Variants in XK observed in about 807,000 individuals in gnomAD.
XK encodes the protein endoplasmic reticulum membrane adapter protein XK.
In XK, 2 loss-of-function variants were observed where a neutral mutation model predicts 14.0. That is an observed-to-expected ratio of 0.14 (90% CI 0.06 to 0.45). The LOEUF is 0.45. Among genes scored for constraint, XK ranks in the 20% least tolerant of loss-of-function variants. The pLI, the probability that XK is intolerant of heterozygous loss-of-function variation, is 0.98. For missense variants in XK, 235 were observed against 341.5 expected (o/e 0.69, Z 2.46); for synonymous variants, 149 against 147.5 (o/e 1.01, Z -0.08).
chrX:37,706,841 G>T (rs896815792), intron 2 of XK, among the ~76,000 whole-genome samples: 10 of 109,052 alleles, frequency 9.2e-5, no homozygotes, highest in South Asian at 4.0e-4. Context: ...GACTCTTAAC[G>T]AGCATGCTGC....
chrX:37,711,498 T>C (rs1556446722), intron 2 of XK, among the ~76,000 whole-genome samples: 1 of 112,595 alleles, frequency 8.9e-6, no homozygotes, highest in Admixed American at 9.4e-5. Context: ...CTTCAGCCTC[T>C]CTGTCCTTTA....
intron 1 of XK, among the ~76,000 whole-genome samples, chrX:37,687,850 G>A (rs1415819430): frequency 9.1e-6 from 1 of 110,101 alleles, no homozygotes; most frequent in Non-Finnish European, 1.9e-5. Flanking sequence ...CTTCTTGATA[G>A]CTGGGGAAGA....
chrX:37,690,664 A>G (rs956336330), intron 1 of XK, among the ~76,000 whole-genome samples: 1 of 112,259 alleles, frequency 8.9e-6, no homozygotes, highest in African/African-American at 3.2e-5. Flanking sequence ...AGCGTTGCTC[A>G]CTGGTTTATG....
intron 2 of XK, among the ~76,000 whole-genome samples, chrX:37,708,235 G>A (rs1035125737): frequency 9.0e-6 from 1 of 111,400 alleles, no homozygotes; most frequent in Non-Finnish European, 1.9e-5. Flanking sequence ...GAGGGAGAGG[G>A]AGAGGGCAAA....
chrX:37,717,196 G>A (rs1313842014), intron 2 of XK, among the ~76,000 whole-genome samples: 1 of 111,399 alleles, frequency 9.0e-6, no homozygotes, highest in East Asian at 2.8e-4. Context: ...CTGCCATCAA[G>A]TGATAAAAGA....
chrX:37,707,044 C>T (rs782017810), intron 2 of XK, among the ~76,000 whole-genome samples: 5 of 112,832 alleles, frequency 4.4e-5, no homozygotes, highest in Non-Finnish European at 7.5e-5. Context: ...TCTACACAGA[C>T]ACAGCAACCA....
In XK at chrX:37,686,138, C is replaced by G. The variant is rs1406801245; in HGVS notation, c.177C>G (p.His59Gln). The G allele has an allele frequency of 1.3e-5, 16 of 1,209,398 alleles. No individual in the cohort carries two copies. In the Admixed American group the frequency reaches 1.7e-4, roughly 13 times the overall value. ...ALVQLTLLFVHRDLSRDRPLV... is the reference protein window; with the variant it reads ...ALVQLTLLFVQRDLSRDRPLV... ...TGCAGCTCACGCTTCTCTTCGTACA[C>G]CGCGACCTCAGCCGCGACCGCCCGC... Residue 59 changes from histidine (H) to glutamine (Q), a missense_variant, in exon 1 of 3, where the codon CAC becomes CAG. His to Gln is a conservative substitution (Grantham distance 24). Coordinates refer to ENST00000378616, the MANE Select transcript of XK (RefSeq NM_021083.4).
At chrX:37,691,434 A>G (rs1376375602) in intron 1 of XK, among the ~76,000 whole-genome samples, 16 of 112,430 alleles carry the variant, frequency 1.4e-4, no homozygotes, top group African/African-American at 5.2e-4. Context: ...AACAATTCCT[A>G]ATGTTTTTGT....
chrX:37,722,132 C>T (rs1927887685), intron 2 of XK, among the ~76,000 whole-genome samples: 1 of 111,175 alleles, frequency 9.0e-6, no homozygotes, highest in Non-Finnish European at 1.9e-5. Flanking sequence ...CACTTATATG[C>T]GAATATTTAA....
rs1471587665 is a variant in XK, at chrX:37,730,979, C to T, written c.*2517C>T. The T allele has an allele frequency of 9.0e-6, 1 of 111,527 alleles. No individual in the cohort carries two copies. The highest frequency in any genetic ancestry group is 3.3e-5 in the African/African-American group (1 of 30,629). 9.2% of individuals were successfully genotyped at this position (111,527 alleles called of 1,213,427 possible). On this transcript the variant is annotated 3_prime_UTR_variant, in exon 3 of 3. Transcript: ENST00000378616. ...TATACAGGTATCCCAGCTTTGGGCA[C>T]ATGTATGTCCATTCACTTTCAGGAA...
Position 37,694,343 on chromosome X carries a change from C to T in XK, c.303C>T (p.Val101=), listed in dbSNP as rs1556442134. The T allele has an allele frequency of 2.5e-6, 3 of 1,209,925 alleles. No individual in the cohort carries two copies. In the Admixed American group the frequency reaches 6.5e-5, roughly 26 times the overall value. ...FQSGNNEEPY[V]SITKKRQMPK... is the part of the protein sequence containing the mutation. ...CAGGCAACAATGAAGAGCCTTATGT[C>T]AGTATCACCAAGAAGAGGCAAATGC... Residue 101 remains valine, a synonymous_variant, in exon 2 of 3, where the codon GTC becomes GTT. Coordinates refer to ENST00000378616, the MANE Select transcript of XK (RefSeq NM_021083.4).
rs1435946863 is a variant in XK at position 37,729,596 on chromosome X, G to T, written c.*1134G>T. 1 of 111,069 alleles carries T rather than the reference G, an allele frequency of 9.0e-6. No individual in the cohort carries two copies. Among genetic ancestry groups the T allele is most frequent in the East Asian group, 2.8e-4 (1 of 3,569 alleles). 9.2% of individuals were successfully genotyped at this position (111,069 alleles called of 1,213,427 possible). A position where few individuals can be genotyped will look rare whatever the true frequency, so the allele number is the denominator to read the frequency against. ...GTTCTATATAATTTTTCCTTTAATC[G>T]GAGACCCTATTTGTTTCATTAAAGA... is the stretch of plus-strand genomic sequence containing the variant. On this transcript the variant is annotated 3_prime_UTR_variant, in exon 3 of 3. Coordinates refer to ENST00000378616, the MANE Select transcript of XK (RefSeq NM_021083.4).
chrX:37,728,129 G>C lies in XK; in HGVS notation c.1002G>C (p.Leu334=), dbSNP rs1928014824. Residue 334 remains leucine, a synonymous_variant, in exon 3 of 3, where the codon CTG becomes CTC. Transcript: ENST00000378616. ...RFIENAILLL[L]WYLFKTDIYM... is the part of the protein sequence containing the mutation. The stretch of plus-strand genomic sequence containing the variant: ...TCGAGAATGCCATCCTCCTCCTCCT[G>C]TGGTATCTTTTCAAGACTGACATCT... 1 of 1,211,399 alleles carries C rather than the reference G, an allele frequency of 8.3e-7. No individual in the cohort carries two copies. Among genetic ancestry groups the C allele is most frequent in the East Asian group, 3.0e-5 (1 of 33,822 alleles).
At chrX:37,718,940 G>T (rs1927817523) in intron 2 of XK, among the ~76,000 whole-genome samples, 1 of 111,006 alleles carries the variant, frequency 9.0e-6, no homozygotes, top group African/African-American at 3.3e-5. Flanking sequence ...TACCCTTTTG[G>T]TCCTTGTTCA....
chrX:37,717,699 A>T (rs1367911105), intron 2 of XK, among the ~76,000 whole-genome samples: 1 of 111,917 alleles, frequency 8.9e-6, no homozygotes, highest in East Asian at 2.8e-4. Context: ...AGAACAAAAC[A>T]AGATATAAAT....
chrX:37,703,022 G>A (rs1415513375), intron 2 of XK, among the ~76,000 whole-genome samples: 1 of 111,922 alleles, frequency 8.9e-6, no homozygotes, highest in Non-Finnish European at 1.9e-5. Context: ...TAAATGTTGT[G>A]GCTAAATCAG....
intron 2 of XK, among the ~76,000 whole-genome samples, chrX:37,700,035 T>A (rs1426811940): frequency 8.9e-6 from 1 of 111,759 alleles, no homozygotes; most frequent in Non-Finnish European, 1.9e-5. Context: ...CACAAAAGCC[T>A]AGCTGCAGTT....
At chrX:37,691,446 G>A (rs1277978583) in intron 1 of XK, among the ~76,000 whole-genome samples, 3 of 112,300 alleles carry the variant, frequency 2.7e-5, no homozygotes, top group Non-Finnish European at 3.8e-5. Flanking sequence ...TGTTTTTGTT[G>A]TATATCTTTA....
chrX:37,694,364 A>G lies in XK; in HGVS notation c.324A>G (p.Gln108=), dbSNP rs782022850. Residue 108 remains glutamine, a synonymous_variant, in exon 2 of 3, where the codon CAA becomes CAG. Coordinates refer to ENST00000378616, the MANE Select transcript of XK (RefSeq NM_021083.4). ...ATGTCAGTATCACCAAGAAGAGGCA[A>G]ATGCCAAAAAATGGCCTCTCAGAGG... The part of the protein sequence containing the change: ...EPYVSITKKR[Q]MPKNGLSEEI... The G allele has an allele frequency of 8.3e-7, 1 of 1,209,297 alleles. No homozygotes were observed. Among genetic ancestry groups the G allele is most frequent in the Non-Finnish European group, 1.1e-6 (1 of 893,930 alleles).
Sources: gnomAD v4.1 joint callset for allele counts (sites outside exome capture counted in the v4.1 genomes callset) on GRCh38, gnomAD v4.1.1 for gene constraint, MANE v1.5 for transcripts, NCBI Gene and HGNC (gene_info 2026-07-23, HGNC 2026-07-21) for gene names.